PCCA: variants seen among roughly 807,000 people sequenced by gnomAD.
PCCA encodes propionyl-CoA carboxylase alpha chain, mitochondrial.
Under a neutral mutation model 101.3 loss-of-function variants are expected in PCCA, and 74 were observed. The ratio of observed to expected loss-of-function variants is 0.73; its 90% CI spans 0.61 to 0.89. PCCA has a LOEUF of 0.89. Among genes scored for constraint, PCCA ranks in the 40% least tolerant of loss-of-function variants. PCCA has a pLI of 0.00. For synonymous variants in PCCA, 294 were observed against 313.6 expected (o/e 0.94, Z 0.66); for missense variants, 891 against 907.0 (o/e 0.98, Z 0.23).
chr13:100,198,466 A>ACGTT (rs1327348976), intron 6 of PCCA: 28 of 137,326 alleles, frequency 2.0e-4, no homozygotes, highest in Admixed American at 1.1e-3. Flanking sequence ...TGCAGTTGCC[A>ACGTT]CGTTCATTCA....
chr13:100,232,353 T>TGTGCGTGTGC (rs375518173), intron 7 of PCCA, among the ~76,000 whole-genome samples: 1 of 136,424 alleles, frequency 7.3e-6, no homozygotes, highest in Non-Finnish European at 1.6e-5. Context: ...TGTGTATGCG[T>TGTGCGTGTGC]GTGTGTGTGT....
intron 6 of PCCA, among the ~76,000 whole-genome samples, chr13:100,201,513 C>A (rs2058490688): frequency 6.6e-6 from 1 of 151,810 alleles, no homozygotes; most frequent in Non-Finnish European, 1.5e-5. Context: ...TTTGCCTAAC[C>A]CCCACCCCCA....
At chr13:100,164,437 T>G (rs914143793) in intron 6 of PCCA, among the ~76,000 whole-genome samples, 1 of 152,168 alleles carries the variant, frequency 6.6e-6, no homozygotes, top group Admixed American at 6.6e-5. Flanking sequence ...GTAAAGCTGG[T>G]CTTAGGGTTA....
At chr13:100,431,511 A>G (rs1012466606) in intron 20 of PCCA, among the ~76,000 whole-genome samples, 3 of 152,238 alleles carry the variant, frequency 2.0e-5, no homozygotes, top group Non-Finnish European at 2.9e-5. Flanking sequence ...AAAGATACCT[A>G]TATTTTCTTT....
intron 12 of PCCA, among the ~76,000 whole-genome samples, chr13:100,293,605 T>C (rs1182716722): frequency 6.6e-6 from 1 of 152,230 alleles, no homozygotes; most frequent in Non-Finnish European, 1.5e-5. Context: ...TAACTAATTG[T>C]AAAATTTCAT....
intron 21 of PCCA, among the ~76,000 whole-genome samples, chr13:100,482,880 C>T (rs1376845512): frequency 6.6e-6 from 1 of 152,186 alleles, no homozygotes; most frequent in South Asian, 2.1e-4. Context: ...CAGTCGTGGG[C>T]ACAAGTTGAT....
intron 16 of PCCA, among the ~76,000 whole-genome samples, chr13:100,330,135 A>C (rs1158856459): frequency 3.9e-5 from 6 of 152,196 alleles, no homozygotes; most frequent in Admixed American, 3.3e-4. Context: ...CAGGATGCAA[A>C]AAATGCTCTC....
chr13:100,459,752 A>G (rs965200376), intron 21 of PCCA, among the ~76,000 whole-genome samples: 1 of 152,208 alleles, frequency 6.6e-6, no homozygotes, highest in African/African-American at 2.4e-5. Flanking sequence ...ATGAAACACC[A>G]TTGACCGGGT....
rs553444454 is a variant in PCCA at position 100,266,105 on chromosome 13, C to T, written c.820-2584C>T. On this transcript the variant is annotated intron_variant, in intron 10 of 23. Coordinates refer to ENST00000376285, the MANE Select transcript of PCCA (RefSeq NM_000282.4). Reference sequence around the variant, plus strand: ...TCGTAGGGGCAGAATTAATTTTGTCCTTCACTGTATTCCCCATCTAGCACT... The same window carrying T: ...TCGTAGGGGCAGAATTAATTTTGTCTTTCACTGTATTCCCCATCTAGCACT... Among the ~76,000 whole-genome samples the T allele has an allele frequency of 6.6e-5, 10 of 152,224 alleles. No individual in the cohort carries two copies. The South Asian group carries it at 2.1e-3, about 32-fold the overall frequency.
intron 19 of PCCA, among the ~76,000 whole-genome samples, chr13:100,380,054 GACAC>G (rs1055069280): frequency 6.7e-6 from 1 of 149,062 alleles, no homozygotes; most frequent in Non-Finnish European, 1.5e-5. Context: ...CACACACACA[GACAC>G]ACACGAAAAA....
chr13:100,151,286 T>C (rs190224243), intron 4 of PCCA, among the ~76,000 whole-genome samples: 5 of 152,222 alleles, frequency 3.3e-5, no homozygotes, highest in African/African-American at 1.2e-4. Context: ...AATAAAATAA[T>C]TCAAAATAGA....
At chr13:100,253,913 G>A (rs1216208835) in intron 8 of PCCA, among the ~76,000 whole-genome samples, 1 of 150,340 alleles carries the variant, frequency 6.7e-6, no homozygotes, top group East Asian at 2.0e-4. Flanking sequence ...CTCCTTTTAC[G>A]AGTAGAATTT....
chr13:100,527,750 A>C lies in PCCA; in HGVS notation c.2116A>C (p.Thr706Pro). The change falls in exon 23 of 24, where the codon ACG (threonine) becomes CCG (proline). Residue 706 changes from threonine (T) to proline (P), a missense_variant and splice_region_variant. Transcript: ENST00000376285. ...QNSMTAGKTG[T>P]VKSVHCQAGD... ...TAGTATGACAGCTGGGAAAACTGGC[A>C]CGGTGAGTCCCTAAGTCCCCATCAG... 1.9e-6 allele frequency: 3 copies of C among 1,609,874 alleles called. No individual in the cohort carries two copies. The highest frequency in any genetic ancestry group is 2.6e-6 in the Non-Finnish European group (3 of 1,176,426).
chr13:100,395,757 A>G (rs1351353311), intron 19 of PCCA, among the ~76,000 whole-genome samples: 1 of 152,234 alleles, frequency 6.6e-6, no homozygotes, highest in Non-Finnish European at 1.5e-5. Context: ...AAATCTTGGT[A>G]GAAATATAGA....
intron 21 of PCCA, among the ~76,000 whole-genome samples, chr13:100,461,418 A>G (rs976466443): frequency 6.6e-6 from 1 of 152,238 alleles, no homozygotes; most frequent in Admixed American, 6.5e-5. Context: ...AAATTTAACT[A>G]ATTAAAAAAT....
At chr13:100,441,274 A>T (rs1410567526) in intron 20 of PCCA, among the ~76,000 whole-genome samples, 1 of 152,228 alleles carries the variant, frequency 6.6e-6, no homozygotes, top group African/African-American at 2.4e-5. Flanking sequence ...AAACAGCTGC[A>T]CTGCAGACCG....
chr13:100,437,660 T>C (rs1348107249), intron 20 of PCCA, among the ~76,000 whole-genome samples: 1 of 152,176 alleles, frequency 6.6e-6, no homozygotes, highest in Non-Finnish European at 1.5e-5. Flanking sequence ...TTCTTTGTTT[T>C]AATTAATTAG....
intron 21 of PCCA, among the ~76,000 whole-genome samples, chr13:100,456,615 C>T (rs1446335568): frequency 6.6e-6 from 1 of 151,508 alleles, no homozygotes; most frequent in East Asian, 1.9e-4. Context: ...GTCACGTGAT[C>T]GTAGAACAGG....
intron 21 of PCCA, among the ~76,000 whole-genome samples, chr13:100,459,915 C>T (rs760340887): frequency 2.7e-4 from 41 of 152,336 alleles, no homozygotes; most frequent in East Asian, 1.9e-4. Flanking sequence ...AAACTCTGAT[C>T]TTCCTTCCTG....
Sources: allele counts gnomAD v4.1 joint callset (sites outside exome capture counted in the v4.1 genomes callset), GRCh38; gene constraint gnomAD v4.1.1; transcripts MANE v1.5; gene names NCBI Gene and HGNC (gene_info 2026-07-23, HGNC 2026-07-21).